Variants in DNAH14 observed in about 807,000 individuals in gnomAD.
DNAH14 encodes axonemal beta dynein heavy chain 14.
A neutral mutation model predicts 520.9 loss-of-function variants in DNAH14; 478 were observed. The ratio of observed to expected loss-of-function variants is 0.92; its 90% CI spans 0.85 to 0.99. The LOEUF (loss-of-function observed/expected upper bound fraction) is 0.99. DNAH14 is among the 50% of genes least tolerant of loss of function. The probability of loss-of-function intolerance (pLI) is 0.00; values close to 1 mark genes in which losing one functional copy is unlikely to be tolerated. For missense variants in DNAH14, 4,831 were observed against 5,234.5 expected, an observed-to-expected ratio of 0.92 and a Z score of 2.38; for synonymous variants, 1,581 against 1,757.2, an observed-to-expected ratio of 0.90 and a Z score of 2.51.
At chr1:224,988,463 A>G (rs1286639007) in intron 8 of DNAH14, among the ~76,000 whole-genome samples, 1 of 152,190 alleles carries the variant, frequency 6.6e-6, no homozygotes, top group Admixed American at 6.5e-5. Context: ...ATTAGTCAAG[A>G]AACAACAGAT....
intron 8 of DNAH14, among the ~76,000 whole-genome samples, chr1:224,991,008 GT>G: frequency 7.7e-6 from 1 of 129,360 alleles, no homozygotes; most frequent in Non-Finnish European, 1.7e-5. Context: ...ATTTCATTGT[GT>G]TTTTTAATAG....
At chr1:225,162,770 A>G (rs934577932) in intron 35 of DNAH14, among the ~76,000 whole-genome samples, 3 of 152,030 alleles carry the variant, frequency 2.0e-5, no homozygotes, top group African/African-American at 7.2e-5. Context: ...TAGGTATTTA[A>G]TTTTATGTGT....
At chr1:225,242,799 C>T (rs1179725734) in intron 43 of DNAH14, among the ~76,000 whole-genome samples, 1 of 152,124 alleles carries the variant, frequency 6.6e-6, no homozygotes, top group East Asian at 1.9e-4. Flanking sequence ...TTGTTTACAC[C>T]AGCATCACCA....
intron 17 of DNAH14, among the ~76,000 whole-genome samples, chr1:225,059,104 G>C (rs901898399): frequency 7.9e-5 from 12 of 152,100 alleles, no homozygotes; most frequent in South Asian, 2.1e-4. Flanking sequence ...TCTTGTTGAT[G>C]TGTCTAATGT....
At chr1:225,331,693 C>T in intron 65 of DNAH14, 116 bp downstream of exon 65, 5 of 1,369,028 alleles carry the variant, frequency 3.7e-6, no homozygotes, top group South Asian at 1.4e-5. Context: ...ATCTAACTAT[C>T]CAGTTTCTTA....
chr1:225,234,724 G>A (rs753050614), intron 42 of DNAH14, among the ~76,000 whole-genome samples: 2 of 152,124 alleles, frequency 1.3e-5, no homozygotes, highest in Admixed American at 6.5e-5. Context: ...ATTTCCTTGA[G>A]CAGTGGTTTG....
intron 26 of DNAH14, among the ~76,000 whole-genome samples, chr1:225,121,673 T>C (rs562930825): frequency 1.3e-5 from 2 of 152,126 alleles, no homozygotes; most frequent in Middle Eastern, 6.8e-3. Flanking sequence ...AAACCCTGTC[T>C]CTACTAAAAA....
intron 42 of DNAH14, among the ~76,000 whole-genome samples, chr1:225,239,646 T>G (rs1015157442): frequency 2.0e-5 from 3 of 152,178 alleles, no homozygotes; most frequent in African/African-American, 7.2e-5. Context: ...TTGACAGACT[T>G]TTTTCTTTAC....
At chr1:225,301,187 T>C (rs1212240787) in intron 56 of DNAH14, among the ~76,000 whole-genome samples, 157 bp downstream of exon 56, 1 of 152,136 alleles carries the variant, frequency 6.6e-6, no homozygotes, top group Non-Finnish European at 1.5e-5. Context: ...GACAACACCA[T>C]ACCCTTCGGT....
chr1:225,115,308 C>CTTA (rs1559003864), intron 23 of DNAH14, among the ~76,000 whole-genome samples: 1 of 152,046 alleles, frequency 6.6e-6, no homozygotes, highest in African/African-American at 2.4e-5. Flanking sequence ...TTATTAGCAC[C>CTTA]ATTAAGTTGA....
rs2150282402 is a variant in DNAH14 at position 225,331,496 on chromosome 1, A to G, written c.9783A>G (p.Gln3261=). ...ACAAAGATACCGTTGCTGAAAAACA[A>G]CTATTAGCAAATCGGAAAACAATGG... ...AAYKDTVAEK[Q]LLANRKTMAS... The change falls in exon 65 of 86, where the codon CAA becomes CAG. Residue 3261 remains glutamine (Q), a synonymous_variant. Coordinates refer to ENST00000682510, the MANE Select transcript of DNAH14 (RefSeq NM_001367479.1). 6.4e-7 allele frequency: 1 copy of G among 1,551,530 alleles called. No homozygotes were observed. The highest frequency in any genetic ancestry group is 1.7e-4 in the Middle Eastern group (1 of 5,990).
At chr1:225,005,997 G>A (rs1396071255) in intron 9 of DNAH14, among the ~76,000 whole-genome samples, 2 of 152,124 alleles carry the variant, frequency 1.3e-5, no homozygotes, top group Admixed American at 6.6e-5. Flanking sequence ...CGGAGGGACC[G>A]GCTGAAGCCA....
At position 225,085,726 on chromosome 1, in the gene DNAH14, G is replaced by A; in HGVS notation, c.3510G>A (p.Gln1170=). 1 of 1,551,476 alleles carries A rather than the reference G, an allele frequency of 6.4e-7. No homozygotes were observed. Among genetic ancestry groups the A allele is most frequent in the Non-Finnish European group, 8.7e-7 (1 of 1,146,816 alleles). ...CATCTATAGATGACATATCAGCTCAGTTAGAAGAGTCTCAAGTCATACTTG... is the reference window on the plus strand; with the variant it reads ...CATCTATAGATGACATATCAGCTCAATTAGAAGAGTCTCAAGTCATACTTG... ...IIPSIDDISA[Q]LEESQVILAT... Residue 1170 remains glutamine (Q), a synonymous_variant, in exon 21 of 86, where the codon CAG becomes CAA. Transcript: ENST00000682510.
intron 52 of DNAH14, among the ~76,000 whole-genome samples, chr1:225,274,735 G>A (rs2093424043): frequency 6.6e-6 from 1 of 152,202 alleles, no homozygotes; most frequent in Non-Finnish European, 1.5e-5. Context: ...TGCCCTAGCA[G>A]GGGTCAGTCC....
chr1:225,059,035 A>G (rs1453170902), intron 17 of DNAH14, among the ~76,000 whole-genome samples: 1 of 152,304 alleles, frequency 6.6e-6, no homozygotes, highest in African/African-American at 2.4e-5. Flanking sequence ...GTAGATGTCT[A>G]TTAGGTCCGC....
At chr1:225,091,997 A>T (rs1449200195) in intron 21 of DNAH14, among the ~76,000 whole-genome samples, 1 of 152,158 alleles carries the variant, frequency 6.6e-6, no homozygotes, top group Non-Finnish European at 1.5e-5. Context: ...ATAATGGTAA[A>T]GGGTTCAATT....
At chr1:225,340,373 A>C in intron 68 of DNAH14, 84 bp from the exon 69 acceptor site, 1 of 1,388,184 alleles carries the variant, frequency 7.2e-7, no homozygotes, top group East Asian at 2.5e-5. Context: ...TTCCAGGAAA[A>C]ATGCTTTATG....
chr1:225,152,451 T>C (rs2080588410), intron 32 of DNAH14, among the ~76,000 whole-genome samples: 3 of 152,120 alleles, frequency 2.0e-5, no homozygotes, highest in African/African-American at 7.2e-5. Context: ...TTGAATGCTG[T>C]AATAGTCCAA....
At position 224,958,243 on chromosome 1, in the gene DNAH14, T is replaced by G. The variant is rs186619961; in HGVS notation, c.218-1910T>G. Among the ~76,000 whole-genome samples, 150 of 152,170 alleles carry G rather than the reference T, an allele frequency of 9.9e-4. 1 individual carries two copies. The highest frequency in any genetic ancestry group is 3.3e-3 in the African/African-American group (139 of 41,528). On this transcript the variant is annotated intron_variant, in intron 3 of 85. Coordinates refer to ENST00000682510, the MANE Select transcript of DNAH14 (RefSeq NM_001367479.1). ...GGAGCATGGAGAAAATCTGAAATAG[T>G]CATTGAAAAGGAAGAAGAGCAAGTT...
Sources: allele counts gnomAD v4.1 joint callset (sites outside exome capture counted in the v4.1 genomes callset), GRCh38; gene constraint gnomAD v4.1.1; transcripts MANE v1.5; gene names NCBI Gene and HGNC (gene_info 2026-07-23, HGNC 2026-07-21).